Variants in CFAP54 observed in about 807,000 individuals in gnomAD.
The protein encoded by CFAP54 is cilia and flagella associated protein 54.
Under a neutral mutation model 370.4 loss-of-function variants are expected in CFAP54, and 290 were observed. The ratio of observed to expected loss-of-function variants is 0.78; its 90% CI spans 0.71 to 0.86. The LOEUF is 0.86. CFAP54 is among the 40% of genes least tolerant of loss of function. CFAP54 has a pLI of 0.00. For synonymous variants in CFAP54, 1,206 were observed against 1,236.5 expected, an observed-to-expected ratio of 0.98 and a Z score of 0.52; for missense variants, 3,399 against 3,528.7, an observed-to-expected ratio of 0.96 and a Z score of 0.93.
chr12:96,564,328 A>G (rs1955843568), intron 17 of CFAP54, 140 bp from the exon 18 acceptor site: 1 of 490,124 alleles, frequency 2.0e-6, no homozygotes, highest in East Asian at 3.2e-5. Context: ...GTAGATTTAT[A>G]TGAATTTTTA....
chr12:96,586,864 C>T (rs761017408), intron 22 of CFAP54, among the ~76,000 whole-genome samples: 3 of 152,062 alleles, frequency 2.0e-5, no homozygotes, highest in Non-Finnish European at 2.9e-5. Context: ...GGAAATAGAA[C>T]GTAAGGGGGT....
intron 50 of CFAP54, among the ~76,000 whole-genome samples, chr12:96,737,887 T>C (rs1259599370): frequency 1.3e-5 from 2 of 152,154 alleles, no homozygotes; most frequent in African/African-American, 4.8e-5. Flanking sequence ...CTGATGAAGC[T>C]GAACATACAC....
chr12:96,689,445 G>C (rs1254895487), intron 43 of CFAP54, among the ~76,000 whole-genome samples: 1 of 152,172 alleles, frequency 6.6e-6, no homozygotes, highest in Non-Finnish European at 1.5e-5. Context: ...ATAGGCGTGA[G>C]CTACCATGCC....
intron 47 of CFAP54, among the ~76,000 whole-genome samples, chr12:96,706,553 A>C (rs1409313972): frequency 6.6e-6 from 1 of 152,158 alleles, no homozygotes. Flanking sequence ...AGAGAGGTCA[A>C]ATTGAGAAGG....
At chr12:96,635,168 G>C (rs891934681) in intron 32 of CFAP54, among the ~76,000 whole-genome samples, 5 of 152,012 alleles carry the variant, frequency 3.3e-5, no homozygotes, top group African/African-American at 9.7e-5. Context: ...GAATAAACTT[G>C]TCTATAATAT....
chr12:96,654,277 G>A (rs1722363049), intron 36 of CFAP54, among the ~76,000 whole-genome samples: 1 of 152,082 alleles, frequency 6.6e-6, no homozygotes, highest in East Asian at 1.9e-4. Context: ...CGAGGCGGGC[G>A]GATCACGATG....
chr12:96,869,977 A>C (rs1277175665), intron 67 of CFAP54, among the ~76,000 whole-genome samples: 1 of 150,422 alleles, frequency 6.6e-6, no homozygotes, highest in African/African-American at 2.4e-5. Flanking sequence ...AGGTTATTAC[A>C]TTTAGGCCGG....
At chr12:96,589,382 A>G in intron 22 of CFAP54, 45 bp from the exon 23 acceptor site, 1 of 1,410,846 alleles carries the variant, frequency 7.1e-7, no homozygotes, top group Non-Finnish European at 9.6e-7. Context: ...TAAAACATTC[A>G]TTCACGAATA....
intron 39 of CFAP54, among the ~76,000 whole-genome samples, chr12:96,667,468 C>T (rs1455551416): frequency 2.6e-5 from 4 of 152,214 alleles, no homozygotes; most frequent in African/African-American, 7.2e-5. Context: ...GACTTCTGTG[C>T]ACCTGCAGAC....
intron 25 of CFAP54, among the ~76,000 whole-genome samples, 161 bp from the exon 26 acceptor site, chr12:96,598,484 T>A (rs1956203144): frequency 6.6e-6 from 1 of 152,014 alleles, no homozygotes; most frequent in Admixed American, 6.6e-5. Flanking sequence ...ATCAACTTTA[T>A]CTCAGTGTAC....
chr12:96,772,781 G>C (rs138619415), intron 60 of CFAP54, among the ~76,000 whole-genome samples: 1 of 151,910 alleles, frequency 6.6e-6, no homozygotes, highest in Non-Finnish European at 1.5e-5. Context: ...AACCATGCCC[G>C]GCTAATTTTT....
At chr12:96,659,783 C>T (rs1042714402) in intron 38 of CFAP54, among the ~76,000 whole-genome samples, 7 of 152,186 alleles carry the variant, frequency 4.6e-5, no homozygotes, top group South Asian at 2.1e-4. Flanking sequence ...CCCTGGCATA[C>T]GTGGGGCCTG....
At chr12:96,542,590 C>T (rs765585256) in intron 14 of CFAP54, among the ~76,000 whole-genome samples, 16 of 152,288 alleles carry the variant, frequency 1.1e-4, no homozygotes, top group Non-Finnish European at 1.5e-4. Flanking sequence ...CTCCCTGCAA[C>T]GTTTCCCCCT....
rs1191095057 is a variant in CFAP54 at position 96,851,878 on chromosome 12, C to T, written c.9172-8941C>T. ...TTAACATTGTATGGGAGTTCTTAGC[C>T]TGTGAAATAAAGGAAGAATTTTTAA... On this transcript the variant is annotated intron_variant, in intron 66 of 67. Coordinates refer to ENST00000524981, the MANE Select transcript of CFAP54 (RefSeq NM_001306084.2). Among the ~76,000 whole-genome samples the T allele has an allele frequency of 4.6e-5, 7 of 151,984 alleles. No homozygotes were observed. In the South Asian group the frequency reaches 1.0e-3, roughly 23 times the overall value.
chr12:96,645,888 G>T (rs1592904492), intron 33 of CFAP54: 1 of 152,170 alleles, frequency 6.6e-6, no homozygotes, highest in Non-Finnish European at 1.5e-5. Context: ...GGGAAAACTT[G>T]CTAGCCATAT....
intron 60 of CFAP54, among the ~76,000 whole-genome samples, chr12:96,776,926 T>C (rs949018519): frequency 1.3e-5 from 2 of 152,204 alleles, no homozygotes; most frequent in Non-Finnish European, 2.9e-5. Flanking sequence ...ATCAGAAAAT[T>C]CTAAGTATTG....
At chr12:96,686,840 C>T (rs954864325) in intron 42 of CFAP54, among the ~76,000 whole-genome samples, 5 of 152,142 alleles carry the variant, frequency 3.3e-5, no homozygotes, top group African/African-American at 1.2e-4. Context: ...GAATTTAGCC[C>T]ATAATACATA....
At chr12:96,515,691 T>G (rs1592825380) in intron 5 of CFAP54, among the ~76,000 whole-genome samples, 1 of 152,244 alleles carries the variant, frequency 6.6e-6, no homozygotes, top group East Asian at 1.9e-4. Context: ...AACTCCCGTT[T>G]TTATAGGATC....
chr12:96,841,884 C>G lies in CFAP54; in HGVS notation c.9171+12796C>G, dbSNP rs576869155. ...GGACAAGTTATTTCCCTAGGCGTCA[C>G]TTCCTTATCTATAAATTGGTGAAAG... is the stretch of plus-strand genomic sequence containing the variant. On this transcript the variant is annotated intron_variant, in intron 66 of 67. Coordinates refer to ENST00000524981, the MANE Select transcript of CFAP54 (RefSeq NM_001306084.2). 1.8e-3 allele frequency among the ~76,000 whole-genome samples: 280 copies of G among 152,358 alleles called. 1 individual carries two copies. The highest frequency in any genetic ancestry group is 6.1e-3 in the African/African-American group (253 of 41,584).
Sources: allele counts gnomAD v4.1 joint callset (sites outside exome capture counted in the v4.1 genomes callset), GRCh38; gene constraint gnomAD v4.1.1; transcripts MANE v1.5; gene names NCBI Gene and HGNC (gene_info 2026-07-23, HGNC 2026-07-21).